EYS: variants seen among roughly 807,000 people sequenced by gnomAD.
EYS encodes the protein protein eyes shut homolog.
In EYS, 250 loss-of-function variants were observed where a neutral mutation model predicts 282.1. The observed-to-expected ratio is 0.89, with a 90% CI of 0.80 to 0.98. The LOEUF is 0.98. Ranked by LOEUF, EYS falls within the 50% of genes least tolerant of loss-of-function variation. The pLI is 0.00. For synonymous variants in EYS, 1,355 were observed against 1,282.9 expected (o/e 1.06, Z -1.20); for missense variants, 4,016 against 3,709.0 (o/e 1.08, Z -2.15).
At chr6:64,884,299 A>T (rs1262162914) in intron 19 of EYS, among the ~76,000 whole-genome samples, 1 of 151,568 alleles carries the variant, frequency 6.6e-6, no homozygotes, top group Non-Finnish European at 1.5e-5. Flanking sequence ...TCTATCACTA[A>T]TACCATTACA....
At chr6:65,650,922 A>G (rs1767629304) in intron 1 of EYS, among the ~76,000 whole-genome samples, 1 of 152,084 alleles carries the variant, frequency 6.6e-6, no homozygotes. Context: ...ATTCATCAAC[A>G]CCATAACAGG....
chr6:64,873,982 C>A (rs911384934), intron 19 of EYS, among the ~76,000 whole-genome samples: 1 of 151,722 alleles, frequency 6.6e-6, no homozygotes, highest in Non-Finnish European at 1.5e-5. Flanking sequence ...ATTTATTTTC[C>A]CCATTAAAAG....
At chr6:63,791,529 G>A (rs1268596800) in intron 37 of EYS, among the ~76,000 whole-genome samples, 3 of 145,898 alleles carry the variant, frequency 2.1e-5, no homozygotes, top group Non-Finnish European at 4.5e-5. Context: ...AGTGAGCCGA[G>A]ATCGTACCAC....
chr6:64,403,121 G>A lies in EYS; in HGVS notation c.5928-14281C>T, dbSNP rs889923557. Reference sequence around the variant, plus strand: ...ATCAAGAACAATATATCCAATTATCGTTATCATTATAAGCAATTAAGCCAC... The same window carrying A: ...ATCAAGAACAATATATCCAATTATCATTATCATTATAAGCAATTAAGCCAC... On this transcript the variant is annotated intron_variant, in intron 28 of 42. Coordinates refer to ENST00000503581, the MANE Select transcript of EYS (RefSeq NM_001142800.2). 4.6e-5 allele frequency among the ~76,000 whole-genome samples: 7 copies of A among 151,520 alleles called. No homozygotes were observed. In the East Asian group the frequency reaches 5.8e-4, roughly 13 times the overall value.
chr6:65,313,129 C>A (rs1769205633), intron 11 of EYS, among the ~76,000 whole-genome samples: 1 of 152,080 alleles, frequency 6.6e-6, no homozygotes, highest in South Asian at 2.1e-4. Flanking sequence ...TGGCCTATTC[C>A]CTGGGGGATA....
intron 22 of EYS, among the ~76,000 whole-genome samples, chr6:64,641,411 C>G (rs1255274211): frequency 2.6e-5 from 4 of 152,186 alleles, no homozygotes; most frequent in Non-Finnish European, 5.9e-5. Context: ...GGTGTGGACA[C>G]AGCCAAACCA....
In EYS at chr6:65,209,540, T is replaced by C. The variant is rs146304579; in HGVS notation, c.2023+86323A>G. ...TTTTCTGGCCCAATTTAATGTTTTA[T>C]GCATTTGTTAATCTGAAAATATTAT... is the stretch of plus-strand genomic sequence containing the variant. On this transcript the variant is annotated intron_variant, in intron 12 of 42. Transcript: ENST00000503581. Among the ~76,000 whole-genome samples the C allele has an allele frequency of 4.8e-3, 725 of 152,100 alleles. 6 individuals are homozygous for C. The highest frequency in any genetic ancestry group is 0.017 in the African/African-American group (691 of 41,544).
intron 26 of EYS, among the ~76,000 whole-genome samples, chr6:64,445,745 C>A (rs1775098823): frequency 6.6e-6 from 1 of 152,042 alleles, no homozygotes; most frequent in Non-Finnish European, 1.5e-5. Flanking sequence ...AACTGTTCTT[C>A]TGTAATAGGA....
intron 29 of EYS, among the ~76,000 whole-genome samples, chr6:64,310,415 A>G (rs1425818064): frequency 6.6e-6 from 1 of 152,174 alleles, no homozygotes; most frequent in Admixed American, 6.5e-5. Flanking sequence ...AAGAACAAAA[A>G]CATGTCTATT....
At chr6:64,736,350 G>A (rs1772181429) in intron 22 of EYS, among the ~76,000 whole-genome samples, 1 of 151,934 alleles carries the variant, frequency 6.6e-6, no homozygotes, top group Non-Finnish European at 1.5e-5. Flanking sequence ...GAACAATGAG[G>A]AAACTACTGA....
intron 19 of EYS, among the ~76,000 whole-genome samples, chr6:64,859,603 A>G (rs1241185572): frequency 6.6e-6 from 1 of 152,154 alleles, no homozygotes; most frequent in African/African-American, 2.4e-5. Context: ...AAGTTTCACA[A>G]GATCTGATCA....
intron 31 of EYS, among the ~76,000 whole-genome samples, chr6:64,175,324 G>C (rs1270998803): frequency 1.3e-5 from 2 of 152,142 alleles, no homozygotes; most frequent in Admixed American, 1.3e-4. Context: ...TCAGACAAAA[G>C]CTAGTGTGCT....
chr6:65,059,503 A>G (rs1773509367), intron 12 of EYS, among the ~76,000 whole-genome samples: 1 of 152,122 alleles, frequency 6.6e-6, no homozygotes, highest in Admixed American at 6.6e-5. Context: ...AGAGACTGGG[A>G]GATTACATAT....
intron 13 of EYS, among the ~76,000 whole-genome samples, chr6:64,999,192 T>C (rs972706344): frequency 1.3e-5 from 2 of 152,132 alleles, no homozygotes; most frequent in African/African-American, 2.4e-5. Flanking sequence ...GAGAACTAAA[T>C]TGGATACCAA....
chr6:63,891,967 C>A (rs943526230), intron 35 of EYS, among the ~76,000 whole-genome samples: 1 of 152,158 alleles, frequency 6.6e-6, no homozygotes, highest in African/African-American at 2.4e-5. Context: ...TATGAGCAAA[C>A]TCACATTTAC....
intron 29 of EYS, among the ~76,000 whole-genome samples, chr6:64,364,073 C>G (rs944337314): frequency 6.6e-6 from 1 of 151,678 alleles, no homozygotes. Context: ...AGTTTTTTTC[C>G]CTGTACAGTT....
In EYS at chr6:64,527,233, G is replaced by C. The variant is rs150240251; in HGVS notation, c.5644+62990C>G. ...AGAAACATATTTAATGAGAGCTCCT[G>C]GGCTTAATATATGGCCAAAGTTCTA... On this transcript the variant is annotated intron_variant, in intron 26 of 42. Transcript: ENST00000503581. 1.3e-3 allele frequency among the ~76,000 whole-genome samples: 190 copies of C among 151,740 alleles called. 1 individual carries two copies. The highest frequency in any genetic ancestry group is 2.4e-3 in the Non-Finnish European group (164 of 67,722).
chr6:65,064,715 C>G (rs959446918), intron 12 of EYS, among the ~76,000 whole-genome samples: 10 of 151,956 alleles, frequency 6.6e-5, no homozygotes, highest in African/African-American at 1.5e-4. Flanking sequence ...GGTTCAAACA[C>G]TCACAGACCC....
intron 35 of EYS, among the ~76,000 whole-genome samples, chr6:63,901,305 AAGAT>A (rs1214590226): frequency 6.6e-6 from 1 of 152,246 alleles, no homozygotes; most frequent in Non-Finnish European, 1.5e-5. Context: ...AATAAATGTG[AAGAT>A]AGACAGAGAT....
Sources: gnomAD v4.1 joint callset for allele counts (sites outside exome capture counted in the v4.1 genomes callset) on GRCh38, gnomAD v4.1.1 for gene constraint, MANE v1.5 for transcripts, NCBI Gene and HGNC (gene_info 2026-07-23, HGNC 2026-07-21) for gene names.